The following CADM2 variants were observed in gnomAD, a reference collection of about 807,000 sequenced individuals.
CADM2 encodes immunoglobulin superfamily member 4D.
A neutral mutation model predicts 49.8 loss-of-function variants in CADM2; 12 were observed. The ratio of observed to expected loss-of-function variants is 0.24; its 90% CI spans 0.15 to 0.39. CADM2 has a LOEUF of 0.39. CADM2 is among the 10% of genes least tolerant of loss of function. The pLI is 1.00. For missense variants in CADM2, 378 were observed against 492.3 expected, an observed-to-expected ratio of 0.77 and a Z score of 2.20; for synonymous variants, 214 against 175.4, an observed-to-expected ratio of 1.22 and a Z score of -1.74.
At chr3:85,516,476 A>C (rs1393288854) in intron 1 of CADM2, among the ~76,000 whole-genome samples, 1 of 152,206 alleles carries the variant, frequency 6.6e-6, no homozygotes, top group Non-Finnish European at 1.5e-5. Flanking sequence ...GATAGAAAAA[A>C]TAGAAGGAAA....
Position 85,855,621 on chromosome 3 carries a change from C to CATATATATAT in CADM2, c.239-27659_239-27650dup, listed in dbSNP as rs142144366. On this transcript the variant is annotated intron_variant, in intron 3 of 9. Coordinates refer to ENST00000383699, the MANE Select transcript of CADM2 (RefSeq NM_001167675.2). Reference sequence around the variant, plus strand: ...ATAAAACATATATATATATATAAAACATATATATATATATATATATTTTGA... The same window carrying CATATATATAT: ...ATAAAACATATATATATATATAAAACATATATATATATATATATATATATATATATTTTGA... Among the ~76,000 whole-genome samples, 472 of 53,968 alleles carry CATATATATAT rather than the reference C, an allele frequency of 8.7e-3. 11 individuals carry two copies. The highest frequency in any genetic ancestry group is 0.019 in the African/African-American group (406 of 21,784). 35.4% of individuals were successfully genotyped at this position (53,968 alleles called of 152,430 possible).
In CADM2 at chr3:85,040,009, T is replaced by C. The variant is rs373071746; in HGVS notation, c.61+80341T>C. Among the ~76,000 whole-genome samples the C allele has an allele frequency of 3.9e-5, 6 of 152,204 alleles. No individual in the cohort carries two copies. The East Asian group carries it at 9.6e-4, about 24-fold the overall frequency. On this transcript the variant is annotated intron_variant, in intron 1 of 9. Coordinates refer to ENST00000383699, the MANE Select transcript of CADM2 (RefSeq NM_001167675.2). ...AGGCAGTATGACTGTAGTTCTAACA[T>C]TCTCAGTTCATTGAAGGTAAAATTC...
chr3:86,025,754 A>G (rs923290229), intron 8 of CADM2, among the ~76,000 whole-genome samples: 2 of 152,202 alleles, frequency 1.3e-5, no homozygotes, highest in African/African-American at 4.8e-5. Flanking sequence ...TCATTTTACA[A>G]TAAGTATTTG....
At chr3:85,013,019 A>T (rs867600589) in intron 1 of CADM2, among the ~76,000 whole-genome samples, 2 of 152,024 alleles carry the variant, frequency 1.3e-5, no homozygotes, top group South Asian at 2.1e-4. Flanking sequence ...AGTCTTTTTT[A>T]AGCATTGATA....
intron 7 of CADM2, among the ~76,000 whole-genome samples, chr3:85,945,270 A>T (rs960176741): frequency 1.1e-4 from 17 of 152,128 alleles, no homozygotes; most frequent in Non-Finnish European, 2.1e-4. Flanking sequence ...AGGCTCTGAA[A>T]TTGAGGCAAT....
intron 1 of CADM2, among the ~76,000 whole-genome samples, chr3:85,005,773 C>T (rs534286696): frequency 4.2e-4 from 64 of 151,714 alleles, no homozygotes; most frequent in Middle Eastern, 3.4e-3. Context: ...GATGTGGGCA[C>T]TCTTGTTATT....
At chr3:85,540,548 C>T (rs554791620) in intron 1 of CADM2, among the ~76,000 whole-genome samples, 21 of 152,276 alleles carry the variant, frequency 1.4e-4, no homozygotes, top group Middle Eastern at 3.4e-3. Context: ...TCAACATTTA[C>T]GGCACGGTTT....
At chr3:85,223,864 C>T (rs2042093697) in intron 1 of CADM2, among the ~76,000 whole-genome samples, 1 of 152,008 alleles carries the variant, frequency 6.6e-6, no homozygotes, top group Non-Finnish European at 1.5e-5. Context: ...TTTGTTTTCT[C>T]TTCTTGCGTT....
intron 6 of CADM2, among the ~76,000 whole-genome samples, chr3:85,917,072 T>A (rs1305389022): frequency 6.6e-6 from 1 of 152,148 alleles, no homozygotes; most frequent in Non-Finnish European, 1.5e-5. Context: ...TATTAGCCAT[T>A]TGTCAGATGA....
rs142133080 is a variant in CADM2, at chr3:85,652,467, G to T, written c.62-74055G>T. On this transcript the variant is annotated intron_variant, in intron 1 of 9. Coordinates refer to ENST00000383699, the MANE Select transcript of CADM2 (RefSeq NM_001167675.2). ...AGCTAAAGTTAAGGAGTTTGATCAG[G>T]TACAGTCATCTCAATGCTTGACTTG... 2.1e-3 allele frequency among the ~76,000 whole-genome samples: 326 copies of T among 152,218 alleles called. 1 individual carries two copies. Among genetic ancestry groups the T allele is most frequent in the African/African-American group, 6.9e-3 (286 of 41,538 alleles).
intron 8 of CADM2, among the ~76,000 whole-genome samples, chr3:86,000,937 G>A (rs531088433): frequency 6.6e-6 from 1 of 152,218 alleles, no homozygotes; most frequent in East Asian, 1.9e-4. Flanking sequence ...GGGAGCAAAT[G>A]TGTAAGAAAT....
At chr3:85,820,851 C>G (rs1466081775) in intron 3 of CADM2, among the ~76,000 whole-genome samples, 1 of 152,034 alleles carries the variant, frequency 6.6e-6, no homozygotes, top group Non-Finnish European at 1.5e-5. Context: ...TCAGTAACCA[C>G]AGGTTAAGGA....
chr3:85,509,420 G>T (rs1383252641), intron 1 of CADM2, among the ~76,000 whole-genome samples: 1 of 152,072 alleles, frequency 6.6e-6, no homozygotes, highest in African/African-American at 2.4e-5. Context: ...TATCCTGGTA[G>T]GCTACTGTGG....
intron 1 of CADM2, among the ~76,000 whole-genome samples, chr3:85,575,757 G>T (rs1393494010): frequency 1.3e-5 from 2 of 152,098 alleles, no homozygotes; most frequent in Non-Finnish European, 2.9e-5. Flanking sequence ...AAACTGTTGG[G>T]TGGGAAAAAG....
chr3:85,237,424 C>T (rs530921443), intron 1 of CADM2, among the ~76,000 whole-genome samples: 9 of 151,360 alleles, frequency 5.9e-5, no homozygotes, highest in South Asian at 4.2e-4. Context: ...AAAGATATGG[C>T]GATGTTTGTC....
chr3:85,030,929 T>C (rs1022438676), intron 1 of CADM2, among the ~76,000 whole-genome samples: 1 of 143,134 alleles, frequency 7.0e-6, no homozygotes, highest in African/African-American at 2.5e-5. Context: ...AGTGGAATTT[T>C]ATAAAGGGGG....
At chr3:86,033,641 T>C (rs1440047120) in intron 8 of CADM2, among the ~76,000 whole-genome samples, 1 of 148,456 alleles carries the variant, frequency 6.7e-6, no homozygotes. Context: ...TATGGGCTTC[T>C]GATCCACTTC....
intron 8 of CADM2, among the ~76,000 whole-genome samples, chr3:86,005,555 T>TAAAAA (rs1553721577): frequency 1.1e-5 from 1 of 91,786 alleles, no homozygotes; most frequent in African/African-American, 2.9e-5. Flanking sequence ...CCGTCTCATA[T>TAAAAA]AAAAAAAAAA....
intron 1 of CADM2, among the ~76,000 whole-genome samples, chr3:85,260,328 CTGTTTAATTGCTTTATGACACCATCT>C (rs1041038426): frequency 2.6e-5 from 4 of 152,030 alleles, no homozygotes; most frequent in African/African-American, 9.7e-5. Context: ...AAACCAAATC[CTGTTTAATTGCTTTATGACACCATCT>C]TTGTCTTTTG....
Sources: gnomAD v4.1 joint callset for allele counts (sites outside exome capture counted in the v4.1 genomes callset) on GRCh38, gnomAD v4.1.1 for gene constraint, MANE v1.5 for transcripts, NCBI Gene and HGNC (gene_info 2026-07-23, HGNC 2026-07-21) for gene names.